The following KCNIP4 variants were observed in gnomAD, a reference collection of about 807,000 sequenced individuals.
The protein encoded by KCNIP4 is Kv channel-interacting protein 4.
Under a neutral mutation model 34.0 loss-of-function variants are expected in KCNIP4, and 12 were observed. The observed-to-expected ratio is 0.35, with a 90% CI of 0.23 to 0.57. The LOEUF (loss-of-function observed/expected upper bound fraction) is 0.57. Ranked by LOEUF, KCNIP4 falls within the 20% of genes least tolerant of loss-of-function variation. The probability of loss-of-function intolerance (pLI) is 0.83; values close to 1 mark genes in which losing one functional copy is unlikely to be tolerated. For missense variants in KCNIP4, 238 were observed against 311.7 expected (o/e 0.76, Z 1.78); for synonymous variants, 124 against 102.2 (o/e 1.21, Z -1.29).
chr4:21,688,720 G>T (rs1751004932), intron 1 of KCNIP4, among the ~76,000 whole-genome samples: 1 of 151,972 alleles, frequency 6.6e-6, no homozygotes, highest in Non-Finnish European at 1.5e-5. Context: ...CCTCTGTTGG[G>T]CTTGGCCAGT....
intron 1 of KCNIP4, among the ~76,000 whole-genome samples, chr4:20,910,283 ATG>A (rs35143714): frequency 1.6e-4 from 24 of 149,584 alleles, no homozygotes; most frequent in Admixed American, 2.7e-4. Flanking sequence ...GTGTGTCTGT[ATG>A]TGTGTGTGTG....
chr4:21,540,331 C>T (rs1408794007), intron 1 of KCNIP4, among the ~76,000 whole-genome samples: 6 of 152,096 alleles, frequency 3.9e-5, no homozygotes, highest in Admixed American at 3.3e-4. Context: ...ACCTGACAAC[C>T]TTTAATAACA....
intron 1 of KCNIP4, among the ~76,000 whole-genome samples, chr4:21,498,307 A>T (rs991133008): frequency 2.6e-5 from 4 of 152,076 alleles, no homozygotes; most frequent in Admixed American, 6.6e-5. Context: ...TTCTTGGCCA[A>T]TAGTTACATC....
intron 1 of KCNIP4, among the ~76,000 whole-genome samples, chr4:21,937,554 C>A (rs1729928960): frequency 6.6e-6 from 1 of 152,100 alleles, no homozygotes; most frequent in Non-Finnish European, 1.5e-5. Flanking sequence ...ATCTCAGTAT[C>A]ATGTTCCAAC....
intron 1 of KCNIP4, among the ~76,000 whole-genome samples, chr4:20,957,629 T>C (rs1422273517): frequency 6.6e-6 from 1 of 152,096 alleles, no homozygotes; most frequent in Non-Finnish European, 1.5e-5. Context: ...TTACGCTCAT[T>C]CATTTCAGTG....
intron 1 of KCNIP4, among the ~76,000 whole-genome samples, chr4:21,870,446 A>G (rs2109365001): frequency 6.6e-6 from 1 of 152,296 alleles, no homozygotes; most frequent in East Asian, 1.9e-4. Flanking sequence ...AACAGTAAAA[A>G]ACACACCCCT....
chr4:21,266,930 G>A (rs1461350327), intron 1 of KCNIP4, among the ~76,000 whole-genome samples: 1 of 152,186 alleles, frequency 6.6e-6, no homozygotes, highest in Non-Finnish European at 1.5e-5. Flanking sequence ...CGATCCAAGT[G>A]AAACGTGGTT....
chr4:21,587,618 C>T (rs1180599774), intron 1 of KCNIP4, among the ~76,000 whole-genome samples: 1 of 151,996 alleles, frequency 6.6e-6, no homozygotes, highest in African/African-American at 2.4e-5. Context: ...TATTCTATCC[C>T]AGACGATTTT....
chr4:20,746,761 T>A (rs1306097360), intron 5 of KCNIP4, among the ~76,000 whole-genome samples: 2 of 152,138 alleles, frequency 1.3e-5, no homozygotes, highest in Non-Finnish European at 2.9e-5. Flanking sequence ...GGAGATTAGA[T>A]CCCATCATAC....
chr4:21,419,460 T>C (rs1275467446), intron 1 of KCNIP4, among the ~76,000 whole-genome samples: 1 of 152,126 alleles, frequency 6.6e-6, no homozygotes, highest in Non-Finnish European at 1.5e-5. Flanking sequence ...GCCTCTATTA[T>C]TAAGCTACTT....
chr4:21,674,644 G>C (rs755720837), intron 1 of KCNIP4, among the ~76,000 whole-genome samples: 3 of 152,108 alleles, frequency 2.0e-5, no homozygotes, highest in Non-Finnish European at 4.4e-5. Context: ...AACAAATCAA[G>C]AAGTAGAACT....
intron 1 of KCNIP4, among the ~76,000 whole-genome samples, chr4:21,619,850 A>T (rs1050961899): frequency 3.3e-5 from 5 of 152,216 alleles, no homozygotes; most frequent in African/African-American, 1.2e-4. Context: ...AAAAATCATA[A>T]GTGCTTTAGT....
chr4:21,557,060 T>C (rs1739125200), intron 1 of KCNIP4, among the ~76,000 whole-genome samples: 1 of 152,040 alleles, frequency 6.6e-6, no homozygotes, highest in Non-Finnish European at 1.5e-5. Context: ...CACTACCATG[T>C]TTAATATAAA....
chr4:21,850,477 AC>A (rs2109335077), intron 1 of KCNIP4: 1 of 152,192 alleles, frequency 6.6e-6, no homozygotes, highest in East Asian at 1.9e-4. Context: ...AACTAAGCTA[AC>A]ATGCTCAGCC....
Position 21,015,186 on chromosome 4 carries a change from T to C in KCNIP4, c.62-132477A>G, listed in dbSNP as rs368171713. ...GAGCTTCAGTTTGAGATGATAAAAA[T>C]ATTCTGGGGATGGATAGAAGTGACT... On this transcript the variant is annotated intron_variant, in intron 1 of 8. Transcript: ENST00000382152. Among the ~76,000 whole-genome samples the C allele has an allele frequency of 1.9e-3, 289 of 151,692 alleles. 6 individuals are homozygous for C. In the South Asian group the frequency reaches 0.053, roughly 28 times the overall value.
intron 1 of KCNIP4, among the ~76,000 whole-genome samples, chr4:21,617,816 A>C (rs185489695): frequency 6.6e-6 from 1 of 152,274 alleles, no homozygotes; most frequent in East Asian, 1.9e-4. Flanking sequence ...AGAAGAGGAG[A>C]TCTCGCTTCT....
chr4:21,395,167 T>C (rs1722881439), intron 1 of KCNIP4, among the ~76,000 whole-genome samples: 1 of 152,194 alleles, frequency 6.6e-6, no homozygotes, highest in African/African-American at 2.4e-5. Context: ...TTCTCTCATC[T>C]GAGCAGAAGC....
At chr4:20,775,996 T>G (rs1756339592) in intron 3 of KCNIP4, among the ~76,000 whole-genome samples, 1 of 152,210 alleles carries the variant, frequency 6.6e-6, no homozygotes. Context: ...ATACAAATGT[T>G]GTCTTCTGAT....
intron 1 of KCNIP4, among the ~76,000 whole-genome samples, chr4:20,943,832 G>A (rs1731908849): frequency 6.6e-6 from 1 of 152,154 alleles, no homozygotes; most frequent in African/African-American, 2.4e-5. Context: ...TGTTTCTCCA[G>A]TTCTGTCAAA....
Sources: gnomAD v4.1 joint callset for allele counts (sites outside exome capture counted in the v4.1 genomes callset) on GRCh38, gnomAD v4.1.1 for gene constraint, MANE v1.5 for transcripts, NCBI Gene and HGNC (gene_info 2026-07-23, HGNC 2026-07-21) for gene names.